Variants in EXOC6B observed in about 807,000 individuals in gnomAD.
The protein encoded by EXOC6B is SEC15 homolog B.
Under a neutral mutation model 113.5 loss-of-function variants are expected in EXOC6B, and 54 were observed. That is an observed-to-expected ratio of 0.48 (90% CI 0.38 to 0.60). EXOC6B has a LOEUF of 0.60. EXOC6B is among the 20% of genes least tolerant of loss of function. EXOC6B has a pLI of 0.00. For synonymous variants in EXOC6B, 357 were observed against 339.0 expected (o/e 1.05, Z -0.58); for missense variants, 797 against 977.5 (o/e 0.82, Z 2.46).
chr2:72,688,146 T>C (rs1411988183), intron 6 of EXOC6B, among the ~76,000 whole-genome samples: 2 of 152,222 alleles, frequency 1.3e-5, no homozygotes, highest in Non-Finnish European at 2.9e-5. Flanking sequence ...AAGTATCCTA[T>C]GTCTTGGATC....
intron 20 of EXOC6B, among the ~76,000 whole-genome samples, chr2:72,264,700 T>C (rs565509428): frequency 1.4e-4 from 22 of 152,140 alleles, no homozygotes; most frequent in South Asian, 8.3e-4. Context: ...AATTGAATCA[T>C]GGGGGCAGTT....
At chr2:72,768,306 T>G (rs1193947536) in intron 1 of EXOC6B, among the ~76,000 whole-genome samples, 1 of 149,240 alleles carries the variant, frequency 6.7e-6, no homozygotes, top group East Asian at 2.0e-4. Context: ...TTTTTTTTTT[T>G]TCGAGACAGA....
At chr2:72,365,986 C>A (rs1690602331) in intron 19 of EXOC6B, among the ~76,000 whole-genome samples, 1 of 151,732 alleles carries the variant, frequency 6.6e-6, no homozygotes, top group African/African-American at 2.4e-5. Context: ...CATGTGCAAA[C>A]AAAATATAAT....
intron 8 of EXOC6B, among the ~76,000 whole-genome samples, chr2:72,523,353 T>C (rs916541723): frequency 6.6e-6 from 1 of 152,218 alleles, no homozygotes; most frequent in Non-Finnish European, 1.5e-5. Flanking sequence ...TTGAGCTCCA[T>C]GCCTCTAAAC....
In EXOC6B at chr2:72,583,236, ATTCCT is replaced by A. The variant is rs1573437311; in HGVS notation, c.670-7573_670-7569del. Among the ~76,000 whole-genome samples, 6 of 152,314 alleles carry A rather than the reference ATTCCT, an allele frequency of 3.9e-5. No homozygotes were observed. The East Asian group carries it at 1.2e-3, about 29-fold the overall frequency. ...ACAACCAAACCTATGAATTACTGGC[ATTCCT>A]AAGAGTGAAGAAGAAAAAGTCAACA... On this transcript the variant is annotated intron_variant, in intron 6 of 21. Transcript: ENST00000272427.
At chr2:72,377,217 T>C (rs1035498223) in intron 19 of EXOC6B, among the ~76,000 whole-genome samples, 2 of 151,950 alleles carry the variant, frequency 1.3e-5, no homozygotes, top group Admixed American at 6.6e-5. Flanking sequence ...TTGAAAAGGA[T>C]GTGAAAAAAA....
At chr2:72,313,509 T>C (rs1687334346) in intron 20 of EXOC6B, among the ~76,000 whole-genome samples, 1 of 152,142 alleles carries the variant, frequency 6.6e-6, no homozygotes, top group Admixed American at 6.6e-5. Flanking sequence ...AGACTCACTA[T>C]CTCTGCATAA....
At chr2:72,459,131 A>C in intron 18 of EXOC6B, among the ~76,000 whole-genome samples, 1 of 152,226 alleles carries the variant, frequency 6.6e-6, no homozygotes, top group East Asian at 1.9e-4. Context: ...TAGAGGCAGA[A>C]AAGGCCTTTG....
intron 6 of EXOC6B, among the ~76,000 whole-genome samples, chr2:72,717,080 G>C (rs1205238153): frequency 6.6e-6 from 1 of 151,954 alleles, no homozygotes; most frequent in South Asian, 2.1e-4. Context: ...ATTTCTATCA[G>C]GTTTATCATC....
chr2:72,582,425 G>A lies in EXOC6B; in HGVS notation c.670-6757C>T, dbSNP rs963948800. Among the ~76,000 whole-genome samples, 4 of 152,126 alleles carry A rather than the reference G, an allele frequency of 2.6e-5. No homozygotes were observed. The South Asian group carries it at 6.2e-4, about 24-fold the overall frequency. The stretch of plus-strand genomic sequence containing the variant: ...CCAGCTATTCTGGAGGCTGGGGTGG[G>A]AGGATCACTTAATTTCAGGAGGCGG... On this transcript the variant is annotated intron_variant, in intron 6 of 21. Transcript: ENST00000272427.
chr2:72,201,052 A>G (rs1250731335), intron 20 of EXOC6B, among the ~76,000 whole-genome samples: 1 of 152,138 alleles, frequency 6.6e-6, no homozygotes, highest in Non-Finnish European at 1.5e-5. Flanking sequence ...CTTTTAATAG[A>G]TAAATAATAT....
intron 1 of EXOC6B, among the ~76,000 whole-genome samples, chr2:72,784,550 G>A (rs897586151): frequency 1.3e-5 from 2 of 152,182 alleles, no homozygotes; most frequent in African/African-American, 4.8e-5. Flanking sequence ...ATCAAGGTGG[G>A]AGGTGAAGGG....
At chr2:72,669,467 T>C (rs1042945299) in intron 6 of EXOC6B, among the ~76,000 whole-genome samples, 3 of 151,776 alleles carry the variant, frequency 2.0e-5, no homozygotes, top group Non-Finnish European at 4.4e-5. Context: ...CAAAAACAAA[T>C]GTGAGAAATT....
At chr2:72,233,707 A>C (rs1032358267) in intron 20 of EXOC6B, among the ~76,000 whole-genome samples, 1 of 152,184 alleles carries the variant, frequency 6.6e-6, no homozygotes, top group Non-Finnish European at 1.5e-5. Flanking sequence ...GGGAGCACTA[A>C]GATTGTTCCA....
rs1159456414 is a variant in EXOC6B at position 72,513,142 on chromosome 2, C to T, written c.1157G>A (p.Arg386His). 5.0e-6 allele frequency: 8 copies of T among 1,612,972 alleles called. No homozygotes were observed. The highest frequency in any genetic ancestry group is 6.8e-6 in the Non-Finnish European group (8 of 1,179,250). ...GGGCTTCTTACATACCGAGTGGGTA[C>T]GGAGTGCTGCGATGGTTTTTGAAAG... is the stretch of plus-strand genomic sequence containing the variant. ...MALSKTIAAL[R>H]THSSYCSDPN... Residue 386 changes from arginine (R) to histidine (H), a missense_variant, in exon 11 of 22, where the codon CGT becomes CAT. Coordinates refer to ENST00000272427, the MANE Select transcript of EXOC6B (RefSeq NM_015189.3).
chr2:72,603,019 G>A (rs577886206), intron 6 of EXOC6B, among the ~76,000 whole-genome samples: 1 of 151,222 alleles, frequency 6.6e-6, no homozygotes, highest in Admixed American at 6.6e-5. Flanking sequence ...GGTAGAAGAG[G>A]AGTGGGTGGG....
chr2:72,306,443 C>T (rs1317206918), intron 20 of EXOC6B, among the ~76,000 whole-genome samples: 1 of 152,174 alleles, frequency 6.6e-6, no homozygotes, highest in African/African-American at 2.4e-5. Flanking sequence ...TTATGCCCCA[C>T]ATGTGCATTA....
intron 18 of EXOC6B, among the ~76,000 whole-genome samples, chr2:72,442,312 G>A (rs988094652): frequency 2.0e-5 from 3 of 152,008 alleles, no homozygotes; most frequent in Non-Finnish European, 4.4e-5. Context: ...ATGGGAAAAA[G>A]CTGAACACAT....
intron 1 of EXOC6B, among the ~76,000 whole-genome samples, chr2:72,796,131 T>C (rs1299313578): frequency 3.3e-5 from 5 of 150,776 alleles, no homozygotes; most frequent in Admixed American, 3.3e-4. Context: ...CCTTCAGGTA[T>C]TTTTAAAAGT....
Sources: gnomAD v4.1 joint callset for allele counts (sites outside exome capture counted in the v4.1 genomes callset) on GRCh38, gnomAD v4.1.1 for gene constraint, MANE v1.5 for transcripts, NCBI Gene and HGNC (gene_info 2026-07-23, HGNC 2026-07-21) for gene names.